RIPOR2: variants seen among roughly 807,000 people sequenced by gnomAD.
RIPOR2 encodes the protein rho family-interacting cell polarization regulator 2.
In RIPOR2, 39 loss-of-function variants were observed where a neutral mutation model predicts 114.5. The observed-to-expected ratio is 0.34, with a 90% CI of 0.26 to 0.44. The LOEUF is 0.44. Ranked by LOEUF, RIPOR2 falls within the 20% of genes least tolerant of loss-of-function variation. The probability of loss-of-function intolerance (pLI) is 1.00; values close to 1 mark genes in which losing one functional copy is unlikely to be tolerated. For synonymous variants in RIPOR2, 445 were observed against 484.4 expected (o/e 0.92, Z 1.07); for missense variants, 1,007 against 1,255.1 (o/e 0.80, Z 2.99).
rs1444241510 is a variant in RIPOR2 at position 25,000,492 on chromosome 6, A to T, written c.76+41359T>A. On this transcript the variant is annotated intron_variant, in intron 1 of 13. Transcript: ENST00000510784. ...ATTAAATGAATAAGTGAACTCATGA[A>T]TATCTGGCTTGAGGGGTTTTATATC... is the stretch of plus-strand genomic sequence containing the variant. Among the ~76,000 whole-genome samples the T allele has an allele frequency of 1.3e-5, 2 of 152,186 alleles. 1 individual carries two copies. The highest frequency in any genetic ancestry group is 3.8e-4 in the East Asian group (2 of 5,204).
intron 1 of RIPOR2, among the ~76,000 whole-genome samples, chr6:24,972,822 A>G (rs1466651033): frequency 6.6e-6 from 1 of 152,234 alleles, no homozygotes; most frequent in East Asian, 1.9e-4. Flanking sequence ...AAATTTTAGA[A>G]GCTTTTTCAC....
chr6:24,830,196 C>T (rs1478205285), intron 17 of RIPOR2, among the ~76,000 whole-genome samples: 1 of 152,130 alleles, frequency 6.6e-6, no homozygotes, highest in Non-Finnish European at 1.5e-5. Flanking sequence ...GAACTCCTGA[C>T]CTCAGGTGAT....
chr6:24,966,915 T>C (rs2114231189), intron 1 of RIPOR2, among the ~76,000 whole-genome samples: 1 of 152,364 alleles, frequency 6.6e-6, no homozygotes, highest in South Asian at 2.1e-4. Flanking sequence ...ATTAGTTTCT[T>C]TCTTTATGGC....
chr6:24,831,527 T>A (rs894394338), intron 16 of RIPOR2, among the ~76,000 whole-genome samples: 2 of 152,050 alleles, frequency 1.3e-5, no homozygotes, highest in Admixed American at 1.3e-4. Context: ...AGGACACAAG[T>A]CACTCACAGC....
At chr6:25,005,791 G>C (rs2113663711) in intron 1 of RIPOR2, among the ~76,000 whole-genome samples, 1 of 138,642 alleles carries the variant, frequency 7.2e-6, no homozygotes, top group East Asian at 2.2e-4. Flanking sequence ...TTCTTCTCCT[G>C]TTTAACTTGA....
intron 1 of RIPOR2, among the ~76,000 whole-genome samples, chr6:24,958,404 G>T (rs1773142876): frequency 6.6e-6 from 1 of 152,048 alleles, no homozygotes; most frequent in Non-Finnish European, 1.5e-5. Flanking sequence ...ATTTAAAATG[G>T]AAGTTAAAAT....
chr6:24,884,444 A>C (rs1158719906), intron 1 of RIPOR2, among the ~76,000 whole-genome samples: 1 of 152,184 alleles, frequency 6.6e-6, no homozygotes, highest in Non-Finnish European at 1.5e-5. Context: ...TAAATTAAGA[A>C]ATCAAAGTAA....
intron 1 of RIPOR2, among the ~76,000 whole-genome samples, chr6:24,915,272 A>G (rs1769982610): frequency 1.3e-5 from 2 of 151,862 alleles, no homozygotes; most frequent in Admixed American, 1.3e-4. Flanking sequence ...TTCTAATAGT[A>G]TAATCTTTTG....
intron 1 of RIPOR2, among the ~76,000 whole-genome samples, chr6:24,953,329 G>GCC (rs5875015): frequency 2.0e-4 from 30 of 151,824 alleles, no homozygotes; most frequent in African/African-American, 7.0e-4. Context: ...GCAAAACTCT[G>GCC]CCCCCCCCCA....
At chr6:24,879,338 C>G (rs1766127726) in intron 1 of RIPOR2, among the ~76,000 whole-genome samples, 1 of 152,072 alleles carries the variant, frequency 6.6e-6, no homozygotes, top group South Asian at 2.1e-4. Context: ...GTGGGGGACT[C>G]TGTCTCAAAA....
chr6:25,005,304 C>G (rs1775502343), intron 1 of RIPOR2, among the ~76,000 whole-genome samples: 2 of 152,100 alleles, frequency 1.3e-5, no homozygotes, highest in African/African-American at 4.8e-5. Flanking sequence ...CCACCTTAAT[C>G]AAACCAAATA....
chr6:24,920,009 A>G lies in RIPOR2; in HGVS notation c.61+15829T>C, dbSNP rs1438183847. Among the ~76,000 whole-genome samples, 4 of 152,372 alleles carry G rather than the reference A, an allele frequency of 2.6e-5. No homozygotes were observed. In the East Asian group the frequency reaches 7.7e-4, roughly 29 times the overall value. On this transcript the variant is annotated intron_variant, in intron 1 of 21. Transcript: ENST00000643898. ...TTTTGAGGACTGTCTTACAGAAGGA[A>G]GAACAATTATTCCCCAGAATTAGAA...
intron 1 of RIPOR2, among the ~76,000 whole-genome samples, chr6:24,944,278 T>C (rs1581851176): frequency 6.6e-6 from 1 of 152,142 alleles, no homozygotes; most frequent in Non-Finnish European, 1.5e-5. Flanking sequence ...TGAAAGTGTG[T>C]CCTAGTGTGC....
chr6:24,872,903 T>A lies in RIPOR2; in HGVS notation c.401A>T (p.Asp134Val). Reference protein sequence around the residue: ...ELDKLTAQLKDMKRNSRLGVL... With the variant: ...ELDKLTAQLKVMKRNSRLGVL... ...TACCAGGCGAGAGTTTCTTTTCATATCTTTTAACTGAGCTGTCAACTTGTC... is the reference window on the plus strand; with the variant it reads ...TACCAGGCGAGAGTTTCTTTTCATAACTTTTAACTGAGCTGTCAACTTGTC... Residue 134 changes from aspartate (D) to valine (V), a missense_variant, in exon 4 of 22, where the codon GAT (aspartate) becomes GTT (valine). Coordinates refer to ENST00000643898, the MANE Select transcript of RIPOR2 (RefSeq NM_001286445.3). The A allele has an allele frequency of 6.2e-7, 1 of 1,611,600 alleles. No homozygotes were observed. Among genetic ancestry groups the A allele is most frequent in the South Asian group, 1.1e-5 (1 of 91,022 alleles).
chr6:24,891,797 C>T (rs142258825), intron 1 of RIPOR2, among the ~76,000 whole-genome samples: 81 of 152,302 alleles, frequency 5.3e-4, no homozygotes, highest in Middle Eastern at 3.4e-3. Flanking sequence ...TTCCACAATC[C>T]TCTTGCCAAT....
intron 1 of RIPOR2, among the ~76,000 whole-genome samples, chr6:24,980,315 C>T (rs1037454097): frequency 1.3e-5 from 2 of 152,160 alleles, no homozygotes; most frequent in South Asian, 2.1e-4. Context: ...ATATGAGTTG[C>T]GCCTGTTATA....
chr6:25,001,070 A>G (rs2113647174), intron 1 of RIPOR2, among the ~76,000 whole-genome samples: 1 of 152,322 alleles, frequency 6.6e-6, no homozygotes, highest in East Asian at 1.9e-4. Flanking sequence ...GTGCATGTGC[A>G]CACACATACG....
At chr6:24,969,213 C>T (rs1373914770) in intron 1 of RIPOR2, among the ~76,000 whole-genome samples, 2 of 152,110 alleles carry the variant, frequency 1.3e-5, no homozygotes, top group Admixed American at 6.6e-5. Flanking sequence ...GGGGTGATGC[C>T]GTTACTGTTA....
chr6:24,969,841 T>C (rs1362157935), intron 1 of RIPOR2, among the ~76,000 whole-genome samples: 1 of 152,190 alleles, frequency 6.6e-6, no homozygotes, highest in Non-Finnish European at 1.5e-5. Flanking sequence ...CTAACCTGGC[T>C]GGCACCTTGT....
Sources: gnomAD v4.1 joint callset for allele counts (sites outside exome capture counted in the v4.1 genomes callset) on GRCh38, gnomAD v4.1.1 for gene constraint, MANE v1.5 for transcripts, NCBI Gene and HGNC (gene_info 2026-07-23, HGNC 2026-07-21) for gene names.